The following DPH6 variants were observed in gnomAD, a reference collection of about 807,000 sequenced individuals.
DPH6 encodes the protein diphthine--ammonia ligase.
A neutral mutation model predicts 38.2 loss-of-function variants in DPH6; 33 were observed. That is an observed-to-expected ratio of 0.86 (90% CI 0.65 to 1.15). The LOEUF (loss-of-function observed/expected upper bound fraction) is 1.15. DPH6 is among the 50% of genes most tolerant of loss of function. DPH6 has a pLI of 0.00. For synonymous variants in DPH6, 108 were observed against 103.0 expected (o/e 1.05, Z -0.30); for missense variants, 325 against 320.0 (o/e 1.02, Z -0.12).
chr15:35,241,432 G>C (rs1422703961), intron 3 of DPH6, among the ~76,000 whole-genome samples: 1 of 143,338 alleles, frequency 7.0e-6, no homozygotes, highest in Non-Finnish European at 1.5e-5. Context: ...TGACAGCCAG[G>C]CTTCTAAACC....
chr15:35,327,001 T>C (rs560975022), downstream of DPH6, among the ~76,000 whole-genome samples: 4 of 151,968 alleles, frequency 2.6e-5, no homozygotes, highest in Non-Finnish European at 5.9e-5. Flanking sequence ...ATTCATAGAG[T>C]AGCCAGGAAA....
intron 5 of DPH6, among the ~76,000 whole-genome samples, chr15:35,433,875 T>G (rs941808754): frequency 1.2e-4 from 18 of 152,174 alleles, no homozygotes; most frequent in Admixed American, 3.9e-4. Context: ...CAGCCACAGT[T>G]GAAAACCATT....
intron 3 of DPH6, chr15:35,520,209 T>G (rs995683405): frequency 1.1e-5 from 7 of 633,678 alleles, no homozygotes; most frequent in Non-Finnish European, 1.3e-5. Context: ...CACGTGAAAG[T>G]AAACATGCTA....
chr15:35,400,183 C>T (rs1253285694), intron 6 of DPH6, among the ~76,000 whole-genome samples: 1 of 151,960 alleles, frequency 6.6e-6, no homozygotes, highest in African/African-American at 2.4e-5. Flanking sequence ...ACAGAGACTA[C>T]TAAATAAATG....
At chr15:35,404,769 G>C (rs944519851) in intron 6 of DPH6, among the ~76,000 whole-genome samples, 8 of 151,996 alleles carry the variant, frequency 5.3e-5, no homozygotes, top group Non-Finnish European at 7.4e-5. Flanking sequence ...TGCCTGGTTG[G>C]GGGGTGGTAT....
At chr15:35,269,661 A>C (rs1379094055) in intron 3 of DPH6, among the ~76,000 whole-genome samples, 6 of 150,376 alleles carry the variant, frequency 4.0e-5, no homozygotes, top group Non-Finnish European at 8.9e-5. Flanking sequence ...GATGGTCTCG[A>C]TCTCCTGACC....
At chr15:35,381,196 C>G (rs1429713526) in intron 7 of DPH6, among the ~76,000 whole-genome samples, 1 of 152,148 alleles carries the variant, frequency 6.6e-6, no homozygotes, top group African/African-American at 2.4e-5. Flanking sequence ...AGATAGTGTT[C>G]TCTTAGCATA....
At chr15:35,479,232 T>C (rs1331066254) in intron 3 of DPH6, among the ~76,000 whole-genome samples, 6 of 152,044 alleles carry the variant, frequency 3.9e-5, no homozygotes, top group African/African-American at 1.4e-4. Flanking sequence ...GCCAATTCTA[T>C]ACAAATATAA....
chr15:35,478,546 T>C (rs1333430732), intron 3 of DPH6, among the ~76,000 whole-genome samples: 1 of 151,906 alleles, frequency 6.6e-6, no homozygotes, highest in Non-Finnish European at 1.5e-5. Flanking sequence ...GTAAACCATA[T>C]ATTTAATGGT....
At chr15:35,157,588 G>A in the DPH6 span, among the ~76,000 whole-genome samples, 5 of 151,930 alleles carry the variant, frequency 3.3e-5, no homozygotes, top group African/African-American at 4.8e-5. Context: ...CCTCATTTCC[G>A]GCACCTTCTT....
intron 3 of DPH6, among the ~76,000 whole-genome samples, chr15:35,236,689 A>T (rs2051554531): frequency 1.3e-5 from 2 of 152,026 alleles, no homozygotes; most frequent in Non-Finnish European, 2.9e-5. Context: ...ATTGGTAATC[A>T]GGTATCTACT....
chr15:35,516,424 T>C (rs1473240358), intron 3 of DPH6, among the ~76,000 whole-genome samples: 5 of 152,204 alleles, frequency 3.3e-5, no homozygotes, highest in Non-Finnish European at 5.9e-5. Flanking sequence ...TAAATGCTCA[T>C]AATGACCCTA....
intron 3 of DPH6, among the ~76,000 whole-genome samples, chr15:35,523,490 T>C (rs1210134677): frequency 2.0e-5 from 3 of 151,928 alleles, no homozygotes; most frequent in South Asian, 4.1e-4. Flanking sequence ...TAACATTATA[T>C]TATAGAACAA....
At chr15:35,538,170 G>T in intron 3 of DPH6, 104 bp downstream of exon 3, 1 of 997,244 alleles carries the variant, frequency 1.0e-6, no homozygotes, top group Non-Finnish European at 1.4e-6. Context: ...AAGAATAGTT[G>T]GGCTACTAAC....
At chr15:35,388,726 C>G (rs959840210) in intron 6 of DPH6, among the ~76,000 whole-genome samples, 1 of 152,040 alleles carries the variant, frequency 6.6e-6, no homozygotes, top group African/African-American at 2.4e-5. Context: ...TTTGATTCTT[C>G]TCTCTTTTCT....
chr15:35,449,893 A>G (rs2053909551), intron 5 of DPH6, among the ~76,000 whole-genome samples: 1 of 152,094 alleles, frequency 6.6e-6, no homozygotes, highest in African/African-American at 2.4e-5. Context: ...AATCTTCTAC[A>G]GCTTGAGACC....
chr15:35,341,748 C>G (rs2052423175), intron 3 of DPH6, among the ~76,000 whole-genome samples: 1 of 152,208 alleles, frequency 6.6e-6, no homozygotes. Flanking sequence ...TCTGAAAGCT[C>G]TGTCCCAGGG....
intron 3 of DPH6, among the ~76,000 whole-genome samples, chr15:35,311,923 T>C (rs2052144882): frequency 6.6e-6 from 1 of 150,604 alleles, no homozygotes; most frequent in Non-Finnish European, 1.5e-5. Context: ...TTAGGTTCCT[T>C]CCAACGCTAA....
intron 3 of DPH6, among the ~76,000 whole-genome samples, chr15:35,339,912 T>G (rs946686839): frequency 6.6e-6 from 1 of 152,198 alleles, no homozygotes; most frequent in Non-Finnish European, 1.5e-5. Context: ...AGTCCACAGC[T>G]GAGTTCAGGT....
Sources: allele counts gnomAD v4.1 joint callset (sites outside exome capture counted in the v4.1 genomes callset), GRCh38; gene constraint gnomAD v4.1.1; transcripts MANE v1.5; gene names NCBI Gene and HGNC (gene_info 2026-07-23, HGNC 2026-07-21).